Variants in PCDH9 observed in about 807,000 individuals in gnomAD.
PCDH9 encodes the protein protocadherin-9.
A neutral mutation model predicts 70.6 loss-of-function variants in PCDH9; 24 were observed. The observed-to-expected ratio is 0.34, with a 90% CI of 0.25 to 0.48. The LOEUF (loss-of-function observed/expected upper bound fraction) is 0.48. Among genes scored for constraint, PCDH9 ranks in the 20% least tolerant of loss-of-function variants. The pLI, the probability that PCDH9 is intolerant of heterozygous loss-of-function variation, is 0.99. For synonymous variants in PCDH9, 562 were observed against 558.5 expected (o/e 1.01, Z -0.09); for missense variants, 1,281 against 1,503.6 (o/e 0.85, Z 2.45).
intron 4 of PCDH9, among the ~76,000 whole-genome samples, chr13:66,536,276 C>T (rs940891977): frequency 2.6e-5 from 4 of 152,038 alleles, no homozygotes; most frequent in Non-Finnish European, 5.9e-5. Flanking sequence ...AAACATAGAT[C>T]TTCTGATTCC....
intron 3 of PCDH9, among the ~76,000 whole-genome samples, chr13:66,872,794 C>CTACT (rs2081720182): frequency 6.6e-6 from 1 of 152,124 alleles, no homozygotes; most frequent in Non-Finnish European, 1.5e-5. Context: ...TGAATCTCCT[C>CTACT]TACTTCTCCC....
At chr13:66,734,442 A>T (rs2079118184) in intron 3 of PCDH9, among the ~76,000 whole-genome samples, 1 of 152,118 alleles carries the variant, frequency 6.6e-6, no homozygotes, top group African/African-American at 2.4e-5. Context: ...GGAGTTCTTT[A>T]AGTCCTTCTA....
At chr13:66,466,597 C>A (rs1234546269) in intron 4 of PCDH9, among the ~76,000 whole-genome samples, 1 of 152,044 alleles carries the variant, frequency 6.6e-6, no homozygotes, top group Non-Finnish European at 1.5e-5. Context: ...TTCAGGGCCC[C>A]ACACTAAGGC....
intron 3 of PCDH9, among the ~76,000 whole-genome samples, chr13:66,652,878 G>A (rs2077872638): frequency 6.6e-6 from 1 of 152,018 alleles, no homozygotes; most frequent in South Asian, 2.1e-4. Context: ...AAGGTATCAA[G>A]AACATACATT....
chr13:66,877,105 ATATT>A (rs997758007), intron 3 of PCDH9, among the ~76,000 whole-genome samples: 22 of 151,930 alleles, frequency 1.4e-4, no homozygotes, highest in Admixed American at 2.0e-4. Context: ...ATCAAAAAAT[ATATT>A]TATATTTAAA....
At chr13:66,833,057 T>A (rs996766460) in intron 3 of PCDH9, among the ~76,000 whole-genome samples, 1 of 152,084 alleles carries the variant, frequency 6.6e-6, no homozygotes, top group African/African-American at 2.4e-5. Context: ...ATTCTCATTG[T>A]CCATATTTTA....
chr13:66,481,125 A>T, intron 4 of PCDH9, among the ~76,000 whole-genome samples: 1 of 151,920 alleles, frequency 6.6e-6, no homozygotes, highest in East Asian at 1.9e-4. Context: ...GGACACAAAG[A>T]GGGGAACATT....
At chr13:67,033,411 T>C (rs2084946162) in intron 2 of PCDH9, among the ~76,000 whole-genome samples, 1 of 152,168 alleles carries the variant, frequency 6.6e-6, no homozygotes, top group Non-Finnish European at 1.5e-5. Context: ...ATAGATAAGG[T>C]ACAAAAAGAC....
intron 3 of PCDH9, among the ~76,000 whole-genome samples, chr13:66,637,812 G>C (rs1177666944): frequency 6.6e-6 from 1 of 151,902 alleles, no homozygotes; most frequent in Non-Finnish European, 1.5e-5. Flanking sequence ...TACTTGGGAG[G>C]CTTAAGCAGG....
At chr13:66,940,760 G>A (rs1230461536) in intron 2 of PCDH9, among the ~76,000 whole-genome samples, 8 of 170 alleles carry the variant, frequency 0.047, no homozygotes, top group Admixed American at 0.28. Context: ...GCTTAAAGAA[G>A]TAAAAATGTC....
At chr13:66,702,492 G>T (rs1383999050) in intron 3 of PCDH9, among the ~76,000 whole-genome samples, 1 of 152,158 alleles carries the variant, frequency 6.6e-6, no homozygotes, top group Non-Finnish European at 1.5e-5. Context: ...AAGATCTAAT[G>T]TGTAACATGG....
At chr13:66,686,589 G>T (rs2078406059) in intron 3 of PCDH9, among the ~76,000 whole-genome samples, 1 of 152,118 alleles carries the variant, frequency 6.6e-6, no homozygotes, top group South Asian at 2.1e-4. Flanking sequence ...CAAATGTTCT[G>T]CACTGTTCAG....
rs75625489 is a variant in PCDH9, at chr13:66,585,589, C to T, written c.3340+45621G>A. ...ATATTTCAGCAATCAGATCCCTTAA[C>T]GCATTCCCCAGTATTCATTATTTTA... On this transcript the variant is annotated intron_variant, in intron 4 of 4. Transcript: ENST00000377865. 7.3e-3 allele frequency among the ~76,000 whole-genome samples: 1,116 copies of T among 152,066 alleles called. 11 individuals carry two copies. Among genetic ancestry groups the T allele is most frequent in the African/African-American group, 0.026 (1,078 of 41,500 alleles).
chr13:66,609,330 T>C lies in PCDH9; in HGVS notation c.3340+21880A>G, dbSNP rs185972414. 4.1e-4 allele frequency among the ~76,000 whole-genome samples: 63 copies of C among 152,134 alleles called. 1 individual carries two copies. The highest frequency in any genetic ancestry group is 1.4e-3 in the African/African-American group (60 of 41,440). On this transcript the variant is annotated intron_variant, in intron 4 of 4. Coordinates refer to ENST00000377865, the MANE Select transcript of PCDH9 (RefSeq NM_203487.3). ...TAATACAATATAAAGTAAGTTAATATAAATATATTTCTTTTTGCTAACTTA... is the reference window on the plus strand; with the variant it reads ...TAATACAATATAAAGTAAGTTAATACAAATATATTTCTTTTTGCTAACTTA...
intron 4 of PCDH9, among the ~76,000 whole-genome samples, chr13:66,434,841 C>T (rs978535083): frequency 6.6e-6 from 1 of 151,946 alleles, no homozygotes; most frequent in East Asian, 1.9e-4. Flanking sequence ...AAGTCAAACT[C>T]TGAGTCTATG....
intron 4 of PCDH9, among the ~76,000 whole-genome samples, chr13:66,320,212 G>A (rs1184955960): frequency 6.6e-6 from 1 of 152,070 alleles, no homozygotes; most frequent in Non-Finnish European, 1.5e-5. Context: ...TTCATTGGAA[G>A]TAAAAATTTA....
At chr13:66,494,713 T>G (rs553864258) in intron 4 of PCDH9, among the ~76,000 whole-genome samples, 2 of 152,282 alleles carry the variant, frequency 1.3e-5, no homozygotes, top group East Asian at 3.9e-4. Context: ...ATATCCAGTT[T>G]GTGGGATATT....
At chr13:66,974,465 T>C (rs188086019) in intron 2 of PCDH9, among the ~76,000 whole-genome samples, 143 of 152,090 alleles carry the variant, frequency 9.4e-4, no homozygotes, top group Admixed American at 4.0e-3. Context: ...CCTCCATCTG[T>C]ACAGAAATTG....
intron 3 of PCDH9, among the ~76,000 whole-genome samples, chr13:66,701,366 C>T (rs1310595446): frequency 6.6e-6 from 1 of 151,354 alleles, no homozygotes; most frequent in Non-Finnish European, 1.5e-5. Flanking sequence ...TGTAAATATA[C>T]CAGTGTATGT....
Sources: gnomAD v4.1 joint callset for allele counts (sites outside exome capture counted in the v4.1 genomes callset) on GRCh38, gnomAD v4.1.1 for gene constraint, MANE v1.5 for transcripts, NCBI Gene and HGNC (gene_info 2026-07-23, HGNC 2026-07-21) for gene names.